SULF1: variants seen among roughly 807,000 people sequenced by gnomAD.
SULF1 encodes the protein extracellular sulfatase Sulf-1.
Under a neutral mutation model 110.5 loss-of-function variants are expected in SULF1, and 46 were observed. The observed-to-expected ratio is 0.42, with a 90% CI of 0.33 to 0.53. SULF1 has a LOEUF of 0.53. Ranked by LOEUF, SULF1 falls within the 20% of genes least tolerant of loss-of-function variation. The pLI is 0.12. For synonymous variants in SULF1, 371 were observed against 387.1 expected, an observed-to-expected ratio of 0.96 and a Z score of 0.49; for missense variants, 941 against 1,094.2, an observed-to-expected ratio of 0.86 and a Z score of 1.98.
chr8:69,589,570 C>G (rs1404480272), intron 8 of SULF1, among the ~76,000 whole-genome samples: 2 of 152,226 alleles, frequency 1.3e-5, no homozygotes, highest in African/African-American at 4.8e-5. Flanking sequence ...AATACCGTAG[C>G]AGCTTTGCTG....
chr8:69,500,871 G>GC (rs1810749886), intron 2 of SULF1, among the ~76,000 whole-genome samples: 1 of 152,120 alleles, frequency 6.6e-6, no homozygotes, highest in African/African-American at 2.4e-5. Context: ...AGTGAATCCT[G>GC]CAGCACCAGG....
intron 2 of SULF1, among the ~76,000 whole-genome samples, chr8:69,500,849 G>A (rs889378825): frequency 1.3e-5 from 2 of 152,216 alleles, no homozygotes; most frequent in South Asian, 2.1e-4. Context: ...GATGAGAGTC[G>A]TGTGGGAGGA....
chr8:69,628,202 C>A lies in SULF1; in HGVS notation c.2074C>A (p.Gln692Lys). Residue 692 changes from glutamine to lysine, a missense_variant, in exon 18 of 23, where the codon CAA (glutamine) becomes AAA (lysine). Around this residue, in one of 3 missense-constraint regions of SULF1, gnomAD observed 822 missense variants for 934.3 expected, o/e 0.88. Transcript: ENST00000402687. ...CAATAAAGAGAAAGGTGTAAAAAAG[C>A]AAGAGAAATTAAAGAGCCATCTTCA... ...YYNKEKGVKK[Q>K]EKLKSHLHPF... 1 of 1,613,946 alleles carries A rather than the reference C, an allele frequency of 6.2e-7. No individual in the cohort carries two copies. Among genetic ancestry groups the A allele is most frequent in the Non-Finnish European group, 8.5e-7 (1 of 1,179,802 alleles).
intron 3 of SULF1, among the ~76,000 whole-genome samples, chr8:69,502,619 T>C (rs541873877): frequency 6.6e-4 from 101 of 152,272 alleles, no homozygotes; most frequent in African/African-American, 2.1e-3. Context: ...TTCCTCTCTA[T>C]TTCATTAGTC....
rs563217274 is a variant in SULF1, at chr8:69,506,791, T to A, written c.-134+4823T>A. ...GCTCTTCCCCTGGCAAGGAAAGGAG[T>A]TTAATTACGATGAGGGTGGGGACTG... On this transcript the variant is annotated intron_variant, in intron 3 of 22. Coordinates refer to ENST00000402687, the MANE Select transcript of SULF1 (RefSeq NM_001128205.2). 7.2e-5 allele frequency among the ~76,000 whole-genome samples: 11 copies of A among 151,728 alleles called. No homozygotes were observed. The East Asian group carries it at 2.1e-3, about 29-fold the overall frequency.
rs771238981 is a variant in SULF1 at position 69,659,724 on chromosome 8, A to T, written c.*1189A>T. On this transcript the variant is annotated 3_prime_UTR_variant, in exon 23 of 23. Coordinates refer to ENST00000402687, the MANE Select transcript of SULF1 (RefSeq NM_001128205.2). ...TTCAACACACTTCCACTGCCTGCGT[A>T]ATGAAGTTTTGATTCATTTTTAACC... 1.3e-5 allele frequency: 2 copies of T among 153,340 alleles called. No homozygotes were observed. The highest frequency in any genetic ancestry group is 2.9e-5 in the Non-Finnish European group (2 of 68,572). 9.5% of individuals were successfully genotyped at this position (153,340 alleles called of 1,614,324 possible).
chr8:69,634,574 G>C (rs1271486825), intron 19 of SULF1, among the ~76,000 whole-genome samples: 1 of 152,038 alleles, frequency 6.6e-6, no homozygotes, highest in East Asian at 1.9e-4. Flanking sequence ...TTCAAGACCA[G>C]CCTGGGCAAC....
chr8:69,510,193 C>G (rs1811458092), intron 3 of SULF1, among the ~76,000 whole-genome samples: 1 of 152,120 alleles, frequency 6.6e-6, no homozygotes, highest in Non-Finnish European at 1.5e-5. Flanking sequence ...CCTTAGGAAG[C>G]CTTTGGGAGG....
At chr8:69,574,214 A>G (rs1406728269) in intron 5 of SULF1, among the ~76,000 whole-genome samples, 1 of 151,996 alleles carries the variant, frequency 6.6e-6, no homozygotes, top group Non-Finnish European at 1.5e-5. Context: ...TTTTTATTCT[A>G]TCACATCCAG....
intron 13 of SULF1, among the ~76,000 whole-genome samples, chr8:69,613,971 A>AT (rs1483341813): frequency 5.1e-4 from 76 of 149,798 alleles, no homozygotes; most frequent in African/African-American, 1.8e-3. Flanking sequence ...AAAAAAAAAA[A>AT]ATAATAAAAT....
intron 3 of SULF1, among the ~76,000 whole-genome samples, chr8:69,544,714 C>A (rs1348052239): frequency 6.6e-6 from 1 of 152,190 alleles, no homozygotes; most frequent in African/African-American, 2.4e-5. Flanking sequence ...GGGAAAATGC[C>A]TGCAGATGAA....
intron 3 of SULF1, among the ~76,000 whole-genome samples, chr8:69,526,798 A>AAAGAAAGGAAGG (rs1554570854): frequency 1.8e-5 from 2 of 112,198 alleles, no homozygotes; most frequent in Non-Finnish European, 3.6e-5. Context: ...GTCAAGAAAG[A>AAAGAAAGGAAGG]AAGGAAGGAA....
intron 1 of SULF1, among the ~76,000 whole-genome samples, chr8:69,480,171 G>C (rs1220563117): frequency 1.3e-5 from 2 of 152,176 alleles, no homozygotes; most frequent in African/African-American, 4.8e-5. Context: ...ACTATCCACT[G>C]TTGATGATGA....
At chr8:69,523,838 G>A (rs1160043938) in intron 3 of SULF1, among the ~76,000 whole-genome samples, 2 of 152,086 alleles carry the variant, frequency 1.3e-5, no homozygotes, top group Non-Finnish European at 2.9e-5. Context: ...GAACCAAGAT[G>A]ATGGAGCGGG....
chr8:69,630,998 G>C (rs1810494083), intron 19 of SULF1, among the ~76,000 whole-genome samples: 1 of 151,688 alleles, frequency 6.6e-6, no homozygotes, highest in Non-Finnish European at 1.5e-5. Flanking sequence ...TCCCCGGTGT[G>C]TGATGTTCCT....
intron 1 of SULF1, among the ~76,000 whole-genome samples, chr8:69,476,604 C>T (rs1433967442): frequency 5.3e-5 from 8 of 152,184 alleles, no homozygotes; most frequent in Non-Finnish European, 1.2e-4. Flanking sequence ...TCAAAAGAGA[C>T]TTGGGTCCCA....
chr8:69,650,825 C>A (rs1328924356), intron 22 of SULF1, among the ~76,000 whole-genome samples: 1 of 152,090 alleles, frequency 6.6e-6, no homozygotes, highest in Non-Finnish European at 1.5e-5. Flanking sequence ...TGCTTTCTGG[C>A]CTAAAAGCAT....
chr8:69,476,911 C>T (rs1233325258), intron 1 of SULF1, among the ~76,000 whole-genome samples: 2 of 152,152 alleles, frequency 1.3e-5, no homozygotes, highest in African/African-American at 4.8e-5. Flanking sequence ...CAAGCACAAA[C>T]GTTGGGTTTA....
chr8:69,651,987 G>C (rs777063178), intron 22 of SULF1, among the ~76,000 whole-genome samples: 16 of 152,274 alleles, frequency 1.1e-4, no homozygotes, highest in Non-Finnish European at 1.9e-4. Flanking sequence ...CTCGAGGCAA[G>C]AATGTCCTTG....
Sources: allele counts gnomAD v4.1 joint callset (sites outside exome capture counted in the v4.1 genomes callset), GRCh38; gene constraint gnomAD v4.1.1; regional missense constraint gnomAD v4.1.1; transcripts MANE v1.5; gene names NCBI Gene and HGNC (gene_info 2026-07-23, HGNC 2026-07-21).